The following CLMN variants were observed in gnomAD, a reference collection of about 807,000 sequenced individuals.
CLMN encodes the protein calmin, also known as calmin (calponin-like, transmembrane).
Under a neutral mutation model 92.7 loss-of-function variants are expected in CLMN, and 57 were observed. The ratio of observed to expected loss-of-function variants is 0.61; its 90% CI spans 0.50 to 0.77. The LOEUF is 0.77. Among genes scored for constraint, CLMN ranks in the 30% least tolerant of loss-of-function variants. The pLI, the probability that CLMN is intolerant of heterozygous loss-of-function variation, is 0.00. For synonymous variants in CLMN, 466 were observed against 470.6 expected (o/e 0.99, Z 0.13); for missense variants, 1,158 against 1,237.5 (o/e 0.94, Z 0.96).
rs1451057551 is a variant in CLMN at position 95,223,843 on chromosome 14, G to C, written c.157C>G (p.Leu53Val). The C allele has an allele frequency of 2.5e-6, 4 of 1,612,608 alleles. No homozygotes were observed. ...TCGACGAATAAATCTTTAACTTCTA[G>C]AGGTGGGTTGCACTTTGAAAGAGAA... ...NLHLEKCNPP[L>V]EVKDLFVDIQ... The change falls in exon 3 of 13, where the codon CTA (leucine) becomes GTA (valine). Residue 53 changes from leucine to valine, a missense_variant. By Grantham distance (32) the Leu-to-Val change is conservative. Transcript: ENST00000298912.
At chr14:95,244,042 T>C (rs531708227) in intron 1 of CLMN, among the ~76,000 whole-genome samples, 21 of 152,294 alleles carry the variant, frequency 1.4e-4, no homozygotes, top group African/African-American at 4.8e-4. Flanking sequence ...CTTTTCCTCT[T>C]GCACCAGCCA....
intron 1 of CLMN, among the ~76,000 whole-genome samples, chr14:95,255,173 G>A (rs1437336630): frequency 1.3e-5 from 2 of 152,190 alleles, no homozygotes; most frequent in African/African-American, 2.4e-5. Context: ...CGCTTCAGAG[G>A]AAGCCCCCTG....
intron 1 of CLMN, among the ~76,000 whole-genome samples, chr14:95,290,717 C>T (rs901528060): frequency 6.6e-6 from 1 of 152,222 alleles, no homozygotes; most frequent in African/African-American, 2.4e-5. Flanking sequence ...ATCTGCATTG[C>T]TTGTAAGTGC....
At chr14:95,243,606 A>T (rs925003110) in intron 1 of CLMN, among the ~76,000 whole-genome samples, 3 of 149,084 alleles carry the variant, frequency 2.0e-5, no homozygotes, top group African/African-American at 7.7e-5. Flanking sequence ...TGGAGAAGAA[A>T]AATGATTCCT....
chr14:95,311,646 G>C (rs1223344747), intron 1 of CLMN, among the ~76,000 whole-genome samples: 1 of 152,078 alleles, frequency 6.6e-6, no homozygotes, highest in Non-Finnish European at 1.5e-5. Context: ...AAAGGTGAAG[G>C]TCAACTGCAT....
intron 1 of CLMN, among the ~76,000 whole-genome samples, chr14:95,249,633 C>T (rs1468308319): frequency 2.6e-5 from 4 of 151,964 alleles, no homozygotes; most frequent in Non-Finnish European, 5.9e-5. Context: ...CCTCTGTCGC[C>T]CAGGCTGGAG....
intron 10 of CLMN, among the ~76,000 whole-genome samples, chr14:95,195,936 G>C (rs1343076778): frequency 6.6e-6 from 1 of 152,190 alleles, no homozygotes; most frequent in Non-Finnish European, 1.5e-5. Flanking sequence ...CTGTAGATCA[G>C]TTAAATCTCA....
intron 9 of CLMN, among the ~76,000 whole-genome samples, chr14:95,199,926 G>T (rs1251417458): frequency 6.6e-6 from 1 of 152,078 alleles, no homozygotes; most frequent in African/African-American, 2.4e-5. Context: ...GTTAGAGCGG[G>T]AAGAGTCTTG....
chr14:95,204,527 C>A, intron 8 of CLMN, 64 bp from the exon 9 acceptor site: 1 of 1,398,556 alleles, frequency 7.2e-7, no homozygotes, highest in Non-Finnish European at 9.5e-7. Flanking sequence ...AAAAAAAGCA[C>A]AGAGCAACAT....
intron 1 of CLMN, among the ~76,000 whole-genome samples, chr14:95,276,627 C>T (rs1040083381): frequency 2.6e-5 from 4 of 152,148 alleles, no homozygotes; most frequent in African/African-American, 9.7e-5. Context: ...CTTTCCCTTT[C>T]CCATCTTTTT....
rs1324223979 is a variant in CLMN, at chr14:95,252,187, A to C, written c.83-22054T>G. Among the ~76,000 whole-genome samples the C allele has an allele frequency of 4.6e-5, 7 of 152,236 alleles. No homozygotes were observed. The East Asian group carries it at 1.2e-3, about 25-fold the overall frequency. On this transcript the variant is annotated intron_variant, in intron 1 of 12. Transcript: ENST00000298912. ...GGCAGCAACTAATTAATGTTTTAAA[A>C]ATTTAAAAACCAAAGCAACCAGGGG...
chr14:95,223,653 G>C, intron 3 of CLMN, 107 bp downstream of exon 3: 1 of 816,160 alleles, frequency 1.2e-6, no homozygotes, highest in Admixed American at 2.9e-5. Context: ...CACCGCTTCA[G>C]AGTTTCTTAT....
At chr14:95,242,859 G>A (rs1323365518) in intron 1 of CLMN, among the ~76,000 whole-genome samples, 6 of 152,308 alleles carry the variant, frequency 3.9e-5, no homozygotes, top group African/African-American at 2.4e-5. Context: ...GAGCCACCAC[G>A]CCCAGCCTGG....
chr14:95,290,287 C>G (rs1034655528), intron 1 of CLMN, among the ~76,000 whole-genome samples: 2 of 152,216 alleles, frequency 1.3e-5, no homozygotes, highest in Admixed American at 1.3e-4. Flanking sequence ...GACGCTCCCC[C>G]AAAGATGTCC....
In CLMN at chr14:95,186,762, T is replaced by C. The variant is rs1343585678; in HGVS notation, c.*4802A>G. On this transcript the variant is annotated 3_prime_UTR_variant, in exon 13 of 13. Coordinates refer to ENST00000298912, the MANE Select transcript of CLMN (RefSeq NM_024734.4). ...TTTTTGTAGAGATGGAGTCTTGCTA[T>C]GTTGTGCAGGCTGGTCTTGAATTCC... 6.6e-6 allele frequency: 1 copy of C among 152,404 alleles called. No individual in the cohort carries two copies. Among genetic ancestry groups the C allele is most frequent in the Admixed American group, 6.5e-5 (1 of 15,282 alleles). The allele number at this position is 152,404 out of a possible 1,614,324, so 9.4% of individuals were successfully genotyped here.
intron 1 of CLMN, among the ~76,000 whole-genome samples, chr14:95,290,835 C>G (rs946172056): frequency 6.6e-6 from 1 of 152,142 alleles, no homozygotes; most frequent in Non-Finnish European, 1.5e-5. Flanking sequence ...CTATCCCCAC[C>G]CTAGTGCTGT....
chr14:95,197,536 G>A (rs1013353039), intron 9 of CLMN, among the ~76,000 whole-genome samples: 1 of 152,194 alleles, frequency 6.6e-6, no homozygotes, highest in East Asian at 1.9e-4. Context: ...AGGGTGCAAA[G>A]GTGGCCTATA....
intron 1 of CLMN, among the ~76,000 whole-genome samples, chr14:95,292,997 C>T (rs1422928078): frequency 6.6e-6 from 1 of 152,116 alleles, no homozygotes; most frequent in Non-Finnish European, 1.5e-5. Flanking sequence ...TTGCACATAG[C>T]CGTCCATGGC....
intron 1 of CLMN, among the ~76,000 whole-genome samples, chr14:95,241,981 T>C (rs1157992986): frequency 6.6e-6 from 1 of 152,126 alleles, no homozygotes; most frequent in Non-Finnish European, 1.5e-5. Context: ...ACAGACCCAA[T>C]AGCTCAGACC....
Sources: gnomAD v4.1 joint callset for allele counts (sites outside exome capture counted in the v4.1 genomes callset) on GRCh38, gnomAD v4.1.1 for gene constraint, MANE v1.5 for transcripts, NCBI Gene and HGNC (gene_info 2026-07-23, HGNC 2026-07-21) for gene names.